Variants in ACTA2 observed in about 807,000 individuals in gnomAD.
The protein encoded by ACTA2 is actin alpha 2, smooth muscle.
In ACTA2, 12 loss-of-function variants were observed where a neutral mutation model predicts 39.5. The observed-to-expected ratio is 0.30, with a 90% CI of 0.19 to 0.49. The LOEUF is 0.49. Ranked by LOEUF, ACTA2 falls within the 20% of genes least tolerant of loss-of-function variation. The pLI, the probability that ACTA2 is intolerant of heterozygous loss-of-function variation, is 0.99. For synonymous variants in ACTA2, 158 were observed against 180.6 expected (o/e 0.88, Z 1.00); for missense variants, 236 against 498.8 (o/e 0.47, Z 5.02).
In ACTA2 at chr10:88,960,469, G is replaced by A. The variant is rs544075318; in HGVS notation, c.-23-11516C>T. ...ACATAGAATTGTTGATATTACCACC[G>A]AGTGTTTTGGAGTTGGAATCCAGCA... On this transcript the variant is annotated intron_variant, in intron 1 of 4. Coordinates refer to the ACTA2 transcript ENST00000415557. 3.3e-5 allele frequency among the ~76,000 whole-genome samples: 5 copies of A among 152,238 alleles called. 1 individual carries two copies. In the South Asian group the frequency reaches 8.3e-4, roughly 25 times the overall value.
chr10:88,988,960 A>T (rs1257052100), intron 1 of ACTA2, among the ~76,000 whole-genome samples: 1 of 152,186 alleles, frequency 6.6e-6, no homozygotes, highest in Non-Finnish European at 1.5e-5. Context: ...GAACTTGAGG[A>T]TAATTAGACG....
intron 8 of ACTA2, among the ~76,000 whole-genome samples, chr10:88,935,815 G>C (rs1395074518): frequency 1.3e-5 from 2 of 152,214 alleles, no homozygotes; most frequent in African/African-American, 4.8e-5. Flanking sequence ...ACGTGGTGAA[G>C]TGAACTACCA....
chr10:88,984,858 T>C (rs117389838), intron 1 of ACTA2, among the ~76,000 whole-genome samples: 1,591 of 152,350 alleles, frequency 0.01, 13 homozygotes, highest in Non-Finnish European at 0.018. Flanking sequence ...GATCTGATGA[T>C]TCCTTTTCAG....
At chr10:88,988,367 G>C (rs2133370754) in intron 1 of ACTA2, among the ~76,000 whole-genome samples, 1 of 149,980 alleles carries the variant, frequency 6.7e-6, no homozygotes, top group Admixed American at 6.6e-5. Flanking sequence ...TTAAACATTA[G>C]GACCAAAGGG....
chr10:88,935,098 A>G lies in ACTA2; in HGVS notation c.*125T>C. On this transcript the variant is annotated 3_prime_UTR_variant, in exon 9 of 9. Coordinates refer to ENST00000224784, the MANE Select transcript of ACTA2 (RefSeq NM_001613.4). ...GTTACCAGTAGCCTATTTCAGATTTATTAAAAAACACATAGGTAACGAGTC... is the reference window on the plus strand; with the variant it reads ...GTTACCAGTAGCCTATTTCAGATTTGTTAAAAAACACATAGGTAACGAGTC... The G allele has an allele frequency of 7.2e-7, 1 of 1,386,080 alleles. No homozygotes were observed. Among genetic ancestry groups the G allele is most frequent in the South Asian group, 1.3e-5 (1 of 79,820 alleles). 85.9% of individuals were successfully genotyped at this position (1,386,080 alleles called of 1,614,324 possible). A position where few individuals can be genotyped will look rare whatever the true frequency, so the allele number is the denominator to read the frequency against.
At chr10:88,980,799 C>A (rs914512930) in intron 1 of ACTA2, among the ~76,000 whole-genome samples, 2 of 152,156 alleles carry the variant, frequency 1.3e-5, no homozygotes, top group South Asian at 4.1e-4. Context: ...AATGAGGTAG[C>A]TCAATTCCAA....
At chr10:88,953,429 T>G (rs1022547903), upstream of ACTA2, among the ~76,000 whole-genome samples, 2 of 152,204 alleles carry the variant, frequency 1.3e-5, no homozygotes, top group African/African-American at 4.8e-5. Context: ...ATTTTTTTGG[T>G]GCATTAGCTT....
In ACTA2 at chr10:88,981,280, G is replaced by A. The variant is rs1846704380; in HGVS notation, c.-24+9659C>T. On this transcript the variant is annotated intron_variant, in intron 1 of 4. Transcript: ENST00000415557. ...ATAATATTAGATGTTAAGATTAGGT[G>A]AGGATCAAATGAGACATTGTGTGCA... Among the ~76,000 whole-genome samples, 3 of 152,324 alleles carry A rather than the reference G, an allele frequency of 2.0e-5. No homozygotes were observed. The South Asian group carries it at 6.2e-4, about 32-fold the overall frequency.
In ACTA2 at chr10:88,982,514, T is replaced by TA. The variant is rs1267122066; in HGVS notation, c.-24+8424dup. Reference sequence around the variant, plus strand: ...TAAGATACATGTCCCACGACAGAAATAAAAAAGGCAGAGATTCACTGAGGG... The same window carrying TA: ...TAAGATACATGTCCCACGACAGAAATAAAAAAAGGCAGAGATTCACTGAGGG... On this transcript the variant is annotated intron_variant, in intron 1 of 4. Transcript: ENST00000415557. Among the ~76,000 whole-genome samples the TA allele has an allele frequency of 8.6e-5, 13 of 151,570 alleles. No homozygotes were observed. The East Asian group carries it at 2.3e-3, about 27-fold the overall frequency.
At position 88,948,850 on chromosome 10, in the gene ACTA2, A is replaced by C; in HGVS notation, c.81T>G (p.Asp27Glu). 1 of 1,614,012 alleles carries C rather than the reference A, an allele frequency of 6.2e-7. No individual in the cohort carries two copies. The highest frequency in any genetic ancestry group is 1.7e-5 in the Admixed American group (1 of 60,016). Reference sequence around the variant, plus strand: ...TGGATGGGAAAACAGCCCTGGGAGCATCGTCCCCAGCAAAGCCGGCCTTAC... The same window carrying C: ...TGGATGGGAAAACAGCCCTGGGAGCCTCGTCCCCAGCAAAGCCGGCCTTAC... ...GLCKAGFAGDDAPRAVFPSIV... is the reference protein window; with the variant it reads ...GLCKAGFAGDEAPRAVFPSIV... The change falls in exon 2 of 9, where the codon GAT becomes GAG. Residue 27 changes from aspartate to glutamate, a missense_variant. Transcript: ENST00000224784.
chr10:88,976,349 T>TAATAATTA (rs1846563749), intron 1 of ACTA2, among the ~76,000 whole-genome samples: 1 of 152,210 alleles, frequency 6.6e-6, no homozygotes, highest in Non-Finnish European at 1.5e-5. Context: ...ATATAATTAA[T>TAATAATTA]ATATTGATAT....
chr10:88,990,977 G>T lies in ACTA2; in HGVS notation c.-62C>A. 6.2e-7 allele frequency: 1 copy of T among 1,606,874 alleles called. No individual in the cohort carries two copies. Among genetic ancestry groups the T allele is most frequent in the Non-Finnish European group, 8.5e-7 (1 of 1,173,966 alleles). ...CGGGGATAGGCAAAGTGGGGCGGGC[G>T]CGGGACGCGTGCGGGATTGCGGCGG... is the stretch of plus-strand genomic sequence containing the variant. On this transcript the variant is annotated 5_prime_UTR_variant, in exon 1 of 5. Coordinates refer to the ACTA2 transcript ENST00000415557. This position sits in a 1 kb window ranked among gnomAD's most constrained non-coding sequence, Gnocchi z 4.9.
At chr10:88,971,361 G>A (rs552474061) in intron 1 of ACTA2, among the ~76,000 whole-genome samples, 16 of 152,224 alleles carry the variant, frequency 1.1e-4, no homozygotes, top group East Asian at 1.9e-4. Context: ...CATGCAGTAT[G>A]TTTTGTGTTT....
chr10:88,975,597 G>A (rs1311724076), intron 1 of ACTA2, among the ~76,000 whole-genome samples: 1 of 152,100 alleles, frequency 6.6e-6, no homozygotes, highest in Non-Finnish European at 1.5e-5. Context: ...GGAAAATGGG[G>A]CCCTGACTAC....
chr10:88,978,345 C>T (rs985475424), intron 1 of ACTA2, among the ~76,000 whole-genome samples: 1 of 151,008 alleles, frequency 6.6e-6, no homozygotes, highest in Non-Finnish European at 1.5e-5. Flanking sequence ...CACATGTATA[C>T]ATATGTAACT....
chr10:88,955,091 G>C (rs142202864), upstream of ACTA2, among the ~76,000 whole-genome samples: 764 of 151,552 alleles, frequency 5.0e-3, 5 homozygotes, highest in Non-Finnish European at 7.9e-3. Context: ...GCAGTTCAGG[G>C]ACACTATAAA....
chr10:88,955,090 G>A (rs980775188), upstream of ACTA2, among the ~76,000 whole-genome samples: 1 of 151,498 alleles, frequency 6.6e-6, no homozygotes, highest in Non-Finnish European at 1.5e-5. Flanking sequence ...TGCAGTTCAG[G>A]GACACTATAA....
intron 2 of ACTA2, among the ~76,000 whole-genome samples, chr10:88,947,612 T>C (rs1009905340): frequency 6.6e-6 from 1 of 152,218 alleles, no homozygotes; most frequent in African/African-American, 2.4e-5. Flanking sequence ...TGGGGGAAAG[T>C]CAACTTTACT....
At chr10:88,960,938 C>A (rs1439288513) in intron 1 of ACTA2, among the ~76,000 whole-genome samples, 1 of 152,256 alleles carries the variant, frequency 6.6e-6, no homozygotes, top group East Asian at 1.9e-4. Flanking sequence ...AGAGACTCAA[C>A]CTCTTGGTTT....
Sources: gnomAD v4.1 joint callset for allele counts (sites outside exome capture counted in the v4.1 genomes callset) on GRCh38, gnomAD v4.1.1 for gene constraint, Gnocchi (gnomAD v3.1) non-coding constraint, MANE v1.5 for transcripts, NCBI Gene and HGNC (gene_info 2026-07-23, HGNC 2026-07-21) for gene names.